The following DCDC1 variants were observed in gnomAD, a reference collection of about 807,000 sequenced individuals.
DCDC1 encodes the protein doublecortin domain-containing protein 1.
Under a neutral mutation model 178.3 loss-of-function variants are expected in DCDC1, and 200 were observed. That is an observed-to-expected ratio of 1.12 (90% CI 1.00 to 1.26). The LOEUF is 1.26. DCDC1 is among the 50% of genes most tolerant of loss of function. The probability of loss-of-function intolerance (pLI) is 0.00; values close to 1 mark genes in which losing one functional copy is unlikely to be tolerated. For synonymous variants in DCDC1, 690 were observed against 604.8 expected, an observed-to-expected ratio of 1.14 and a Z score of -2.07; for missense variants, 1,983 against 1,749.2, an observed-to-expected ratio of 1.13 and a Z score of -2.38.
In DCDC1 at chr11:30,930,687, T is replaced by C. The variant is rs997226963; in HGVS notation, c.2897+1084A>G. On this transcript the variant is annotated intron_variant, in intron 22 of 38. Coordinates refer to ENST00000684477, the MANE Select transcript of DCDC1 (RefSeq NM_001387274.1). The stretch of plus-strand genomic sequence containing the variant: ...TTTAAAACATTGATGTGATAATATC[T>C]GTATGTAACTTTGAGCCACAATTAA... 3.3e-5 allele frequency among the ~76,000 whole-genome samples: 5 copies of C among 152,300 alleles called. No homozygotes were observed. The East Asian group carries it at 7.7e-4, about 24-fold the overall frequency.
intron 9 of DCDC1, among the ~76,000 whole-genome samples, chr11:31,175,898 A>G (rs1474732496): frequency 6.6e-6 from 1 of 152,208 alleles, no homozygotes; most frequent in Non-Finnish European, 1.5e-5. Context: ...ATCTACAGGA[A>G]AAAGTCTCTC....
intron 1 of DCDC1, among the ~76,000 whole-genome samples, chr11:31,341,845 A>ACACACACACAT (rs1950567324): frequency 6.7e-6 from 1 of 149,936 alleles, no homozygotes; most frequent in Non-Finnish European, 1.5e-5. Flanking sequence ...ACACACACAC[A>ACACACACACAT]TTTTTTTTGG....
At chr11:31,095,628 A>G (rs950195015) in intron 15 of DCDC1, among the ~76,000 whole-genome samples, 1 of 152,166 alleles carries the variant, frequency 6.6e-6, no homozygotes, top group African/African-American at 2.4e-5. Flanking sequence ...CTTTAGAGAT[A>G]GTTGTGGGGA....
At chr11:31,052,337 C>G (rs1955313570) in intron 20 of DCDC1, among the ~76,000 whole-genome samples, 1 of 152,138 alleles carries the variant, frequency 6.6e-6, no homozygotes, top group Non-Finnish European at 1.5e-5. Flanking sequence ...AACACTGGAG[C>G]TCCCAAATTT....
At chr11:31,048,748 T>A (rs867153153) in intron 20 of DCDC1, among the ~76,000 whole-genome samples, 1 of 151,930 alleles carries the variant, frequency 6.6e-6, no homozygotes, top group African/African-American at 2.4e-5. Flanking sequence ...TCCCAGGTAC[T>A]CGGGAGGCTG....
intron 2 of DCDC1, among the ~76,000 whole-genome samples, chr11:31,328,867 T>G (rs1002678257): frequency 2.0e-5 from 3 of 150,866 alleles, no homozygotes; most frequent in African/African-American, 7.3e-5. Flanking sequence ...ACATTTTAAT[T>G]TTTGCTATTT....
chr11:31,088,479 T>C (rs1028441246), intron 17 of DCDC1, among the ~76,000 whole-genome samples: 7 of 152,130 alleles, frequency 4.6e-5, no homozygotes, highest in African/African-American at 9.7e-5. Context: ...ATTTTAATGA[T>C]TGCTTTGGTG....
rs1441443961 is a variant in DCDC1 at position 30,915,588 on chromosome 11, T to C, written c.3576A>G (p.Arg1192=). ...CCACCAAAACCACCTCCATGCCTGA[T>C]CGGAGATTGGGACCTTGAACCCCCA... ...LVLGVQGPNL[R]SGMEVVLVEK... The change falls in exon 27 of 39, where the codon CGA becomes CGG. Residue 1192 remains arginine (R), a synonymous_variant. Transcript: ENST00000684477. The C allele has an allele frequency of 1.2e-6, 2 of 1,613,936 alleles. No individual in the cohort carries two copies. Among genetic ancestry groups the C allele is most frequent in the African/African-American group, 1.3e-5 (1 of 75,044 alleles).
intron 20 of DCDC1, among the ~76,000 whole-genome samples, chr11:31,010,245 G>A (rs1952093158): frequency 6.6e-6 from 1 of 152,208 alleles, no homozygotes; most frequent in Admixed American, 6.5e-5. Flanking sequence ...CTTGCTGAGT[G>A]TTTCACAAGG....
At chr11:31,123,606 G>C (rs1230070816) in intron 11 of DCDC1, among the ~76,000 whole-genome samples, 1 of 151,826 alleles carries the variant, frequency 6.6e-6, no homozygotes, top group Non-Finnish European at 1.5e-5. Context: ...CTAAGCCTGA[G>C]AATGGGGCTG....
At chr11:31,176,193 G>A (rs953663217) in intron 9 of DCDC1, among the ~76,000 whole-genome samples, 1 of 152,102 alleles carries the variant, frequency 6.6e-6, no homozygotes, top group Non-Finnish European at 1.5e-5. Flanking sequence ...TCAAAAAATA[G>A]ATAGATATCA....
chr11:31,265,905 TA>T (rs1425877502), intron 7 of DCDC1, among the ~76,000 whole-genome samples: 1 of 148,692 alleles, frequency 6.7e-6, no homozygotes, highest in Admixed American at 6.7e-5. Flanking sequence ...TATTTATTAT[TA>T]TCTATTATCT....
chr11:31,321,302 G>A (rs1949331596), intron 3 of DCDC1, among the ~76,000 whole-genome samples: 1 of 109,192 alleles, frequency 9.2e-6, no homozygotes, highest in Admixed American at 1.0e-4. Context: ...CTAGCAATCA[G>A]CGAGATTCCG....
At chr11:30,921,850 C>G (rs1440492323) in intron 24 of DCDC1, among the ~76,000 whole-genome samples, 2 of 152,072 alleles carry the variant, frequency 1.3e-5, no homozygotes, top group Non-Finnish European at 2.9e-5. Context: ...CAGCTAAGAC[C>G]CAGGAGTTGC....
At chr11:31,075,050 C>T (rs1239228276) in intron 18 of DCDC1, among the ~76,000 whole-genome samples, 1 of 152,192 alleles carries the variant, frequency 6.6e-6, no homozygotes, top group South Asian at 2.1e-4. Context: ...CATTATCCAT[C>T]CTCTCACCCT....
intron 20 of DCDC1, among the ~76,000 whole-genome samples, chr11:31,043,951 A>G (rs1041091459): frequency 2.0e-5 from 3 of 151,936 alleles, no homozygotes; most frequent in Non-Finnish European, 4.4e-5. Flanking sequence ...CCTTTACCAG[A>G]TTGCAGGAGT....
At chr11:31,142,315 T>G (rs746098091) in intron 9 of DCDC1, among the ~76,000 whole-genome samples, 1 of 152,200 alleles carries the variant, frequency 6.6e-6, no homozygotes, top group South Asian at 2.1e-4. Flanking sequence ...GTTGCCTACC[T>G]GTCCACAAAA....
intron 16 of DCDC1, among the ~76,000 whole-genome samples, chr11:31,092,853 C>A (rs1214205407): frequency 6.6e-6 from 1 of 152,152 alleles, no homozygotes; most frequent in Non-Finnish European, 1.5e-5. Flanking sequence ...AAAACACTTC[C>A]ATTATGCTCA....
At chr11:30,939,489 C>A (rs1484907576) in intron 21 of DCDC1, among the ~76,000 whole-genome samples, 6 of 152,212 alleles carry the variant, frequency 3.9e-5, no homozygotes, top group Admixed American at 2.6e-4. Context: ...ACATCCAGGG[C>A]AGTCACAACA....
Sources: allele counts gnomAD v4.1 joint callset (sites outside exome capture counted in the v4.1 genomes callset), GRCh38; gene constraint gnomAD v4.1.1; transcripts MANE v1.5; gene names NCBI Gene and HGNC (gene_info 2026-07-23, HGNC 2026-07-21).